The following POGZ variants were observed in gnomAD, a reference collection of about 807,000 sequenced individuals.
POGZ encodes pogo transposable element derived with ZNF domain.
In POGZ, 17 loss-of-function variants were observed where a neutral mutation model predicts 134.6. The ratio of observed to expected loss-of-function variants is 0.13; its 90% confidence interval spans 0.09 to 0.19. The LOEUF is 0.19. Ranked by LOEUF, POGZ falls within the 10% of genes least tolerant of loss-of-function variation. POGZ has a pLI of 1.00. For synonymous variants in POGZ, 693 were observed against 657.1 expected, an observed-to-expected ratio of 1.05 and a Z score of -0.84; for missense variants, 1,306 against 1,769.7, an observed-to-expected ratio of 0.74 and a Z score of 4.70.
intron 1 of POGZ, among the ~76,000 whole-genome samples, chr1:151,458,649 C>T (rs1338797240): frequency 4.1e-5 from 6 of 146,022 alleles, no homozygotes; most frequent in Non-Finnish European, 7.6e-5. Context: ...CCTCGCCGGC[C>T]CCTCCCGCCG....
chr1:151,436,733 T>C (rs1273830006), intron 3 of POGZ, among the ~76,000 whole-genome samples: 3 of 152,266 alleles, frequency 2.0e-5, no homozygotes. Context: ...TATATTACAT[T>C]TTGTTTATCC....
intron 1 of POGZ, among the ~76,000 whole-genome samples, chr1:151,450,531 T>C (rs774710102): frequency 7.9e-5 from 12 of 152,104 alleles, no homozygotes; most frequent in Non-Finnish European, 1.2e-4. Context: ...TTTTGTATTT[T>C]CTATAAAGCT....
At chr1:151,432,970 T>A (rs955208848) in intron 3 of POGZ, among the ~76,000 whole-genome samples, 1 of 152,220 alleles carries the variant, frequency 6.6e-6, no homozygotes, top group African/African-American at 2.4e-5. Flanking sequence ...TCTCTTTCTA[T>A]CCTTTTGAAA....
Position 151,428,238 on chromosome 1 carries a change from C to G in POGZ, c.744G>C (p.Gln248His). ...TAGAAGTGCTGGGAGTGGACTTGGT[C>G]TGCTGGGACTGGGACTGTGGGACGG... ...RSTVPQSQSQ[Q>H]TKSTPSTSTT... The change falls in exon 6 of 19, where the codon CAG (glutamine) becomes CAC (histidine). Residue 248 changes from glutamine (Q) to histidine (H), a missense_variant. Gln to His is a conservative substitution (Grantham distance 24, BLOSUM62 0). This residue lies in a region of POGZ where 541 missense variants were observed against 680.5 expected (regional missense o/e 0.80). Coordinates refer to ENST00000271715, the MANE Select transcript of POGZ (RefSeq NM_015100.4). 1 of 1,614,052 alleles carries G rather than the reference C, an allele frequency of 6.2e-7. No individual in the cohort carries two copies. The highest frequency in any genetic ancestry group is 1.1e-5 in the South Asian group (1 of 91,082).
intron 1 of POGZ, among the ~76,000 whole-genome samples, chr1:151,458,801 G>A (rs1386040187): frequency 3.4e-5 from 5 of 145,650 alleles, no homozygotes; most frequent in East Asian, 2.0e-4. Flanking sequence ...CGGGGCCGTG[G>A]GGCGCGAGTG....
At chr1:151,419,275 T>C (rs1006655407) in intron 10 of POGZ, among the ~76,000 whole-genome samples, 1 of 151,886 alleles carries the variant, frequency 6.6e-6, no homozygotes. Flanking sequence ...GGCACAATAA[T>C]TGCTTGAACC....
chr1:151,427,768 A>G, intron 7 of POGZ, 55 bp downstream of exon 7: 3 of 1,122,830 alleles, frequency 2.7e-6, no homozygotes, highest in Non-Finnish European at 4.0e-6. Flanking sequence ...TACAACAAAC[A>G]CTTTATTAAT....
intron 1 of POGZ, among the ~76,000 whole-genome samples, chr1:151,456,745 G>A (rs1328807923): frequency 6.6e-6 from 1 of 152,158 alleles, no homozygotes; most frequent in Non-Finnish European, 1.5e-5. Context: ...CTGAGGTCCG[G>A]AGTTCGAGAC....
At chr1:151,457,376 G>C (rs919025508) in intron 1 of POGZ, among the ~76,000 whole-genome samples, 8 of 152,122 alleles carry the variant, frequency 5.3e-5, no homozygotes, top group African/African-American at 1.9e-4. Context: ...CTGCTCATTT[G>C]AAAATGTAAA....
At chr1:151,447,726 G>C (rs1661481100) in intron 1 of POGZ, among the ~76,000 whole-genome samples, 2 of 138,472 alleles carry the variant, frequency 1.4e-5, no homozygotes, top group Admixed American at 1.7e-4. Context: ...CTGGACTCAA[G>C]CAACACACCT....
At chr1:151,429,581 A>G (rs779085388) in intron 5 of POGZ, 22 bp downstream of exon 5, 1 of 1,271,326 alleles carries the variant, frequency 7.9e-7, no homozygotes, top group South Asian at 1.2e-5. Context: ...TTTATTCCAA[A>G]TGGATAGACA....
intron 1 of POGZ, among the ~76,000 whole-genome samples, chr1:151,450,220 TG>T: frequency 6.6e-6 from 1 of 151,698 alleles, no homozygotes; most frequent in South Asian, 2.1e-4. Context: ...TTAGTAGAGA[TG>T]GGTTTTCACC....
At chr1:151,421,633 A>G (rs1656934142) in intron 10 of POGZ, among the ~76,000 whole-genome samples, 1 of 152,250 alleles carries the variant, frequency 6.6e-6, no homozygotes, top group African/African-American at 2.4e-5. Flanking sequence ...TGACACTTAT[A>G]CAGCCACCCT....
In POGZ at chr1:151,403,157, G is replaced by A; in HGVS notation, c.*1645C>T. Reference sequence around the variant, plus strand: ...TCACAAAGCTGGCCAAGCTGTTTCTGGAAGGGACTTTTCCAGTTCACTATA... The same window carrying A: ...TCACAAAGCTGGCCAAGCTGTTTCTAGAAGGGACTTTTCCAGTTCACTATA... On this transcript the variant is annotated 3_prime_UTR_variant, in exon 19 of 19. Transcript: ENST00000271715. The A allele has an allele frequency of 1.1e-6, 1 of 937,182 alleles. No individual in the cohort carries two copies. The highest frequency in any genetic ancestry group is 1.3e-6 in the Non-Finnish European group (1 of 785,634). The allele number at this position is 937,182 out of a possible 1,614,324, so 58.1% of individuals were successfully genotyped here. A position where few individuals can be genotyped will look rare whatever the true frequency, so the allele number is the denominator to read the frequency against.
At chr1:151,447,251 A>G (rs1028178166) in intron 1 of POGZ, among the ~76,000 whole-genome samples, 7 of 151,840 alleles carry the variant, frequency 4.6e-5, no homozygotes, top group Non-Finnish European at 1.0e-4. Flanking sequence ...CCAGGTGTGT[A>G]ATTCCAGCTA....
chr1:151,415,789 A>G (rs1285931527), intron 10 of POGZ, among the ~76,000 whole-genome samples: 1 of 152,202 alleles, frequency 6.6e-6, no homozygotes, highest in Admixed American at 6.5e-5. Context: ...TCACACTAAC[A>G]AAAGCTATGC....
chr1:151,458,970 G>A (rs1663166831), intron 1 of POGZ, among the ~76,000 whole-genome samples, 182 bp downstream of exon 1: 2 of 144,088 alleles, frequency 1.4e-5, no homozygotes, highest in African/African-American at 5.0e-5. Context: ...CCCCTGCCGC[G>A]GGCCGCGCCG....
At chr1:151,458,691 C>CGCCCCCGCCCCTTCCCCAGCGG (rs1255328168) in intron 1 of POGZ, among the ~76,000 whole-genome samples, 3 of 145,510 alleles carry the variant, frequency 2.1e-5, no homozygotes, top group African/African-American at 4.9e-5. Context: ...CCCGCGCCCC[C>CGCCCCCGCCCCTTCCCCAGCGG]GCCCCCGCCC....
chr1:151,435,003 T>C (rs957986252), intron 3 of POGZ, among the ~76,000 whole-genome samples: 2 of 151,358 alleles, frequency 1.3e-5, no homozygotes, highest in Non-Finnish European at 2.9e-5. Flanking sequence ...TAGGTTCAAG[T>C]GGTTCTTCTG....
Sources: gnomAD v4.1 joint callset for allele counts (sites outside exome capture counted in the v4.1 genomes callset) on GRCh38, gnomAD v4.1.1 for gene constraint, gnomAD v4.1.1 regional missense constraint, MANE v1.5 for transcripts, NCBI Gene and HGNC (gene_info 2026-07-23, HGNC 2026-07-21) for gene names.